Variants in KAZN observed in about 807,000 individuals in gnomAD.
The protein encoded by KAZN is kazrin.
KAZN carries 40 observed loss-of-function variants against 87.4 expected under a neutral mutation model. That is an observed-to-expected ratio of 0.46 (90% confidence interval 0.36 to 0.60). KAZN has a LOEUF of 0.60. Ranked by LOEUF, KAZN falls within the 20% of genes least tolerant of loss-of-function variation. The pLI, the probability that KAZN is intolerant of heterozygous loss-of-function variation, is 0.00. For missense variants in KAZN, 898 were observed against 1,073.9 expected (o/e 0.84, Z 2.29); for synonymous variants, 466 against 458.3 (o/e 1.02, Z -0.22).
intron 1 of KAZN, among the ~76,000 whole-genome samples, chr1:14,114,205 C>T (rs922934498): frequency 3.3e-5 from 5 of 152,248 alleles, no homozygotes; most frequent in Middle Eastern, 3.4e-3. Context: ...CAGCAGCAGA[C>T]GGCCCCATTA....
At chr1:14,881,134 G>A (rs919252998) in intron 1 of KAZN, among the ~76,000 whole-genome samples, 9 of 152,208 alleles carry the variant, frequency 5.9e-5, no homozygotes, top group African/African-American at 2.2e-4. Context: ...ATCCAGCAAA[G>A]CTGTGTTCCT....
At chr1:14,267,273 T>C (rs941458119) in intron 2 of KAZN, among the ~76,000 whole-genome samples, 2 of 150,080 alleles carry the variant, frequency 1.3e-5, no homozygotes, top group African/African-American at 4.9e-5. Context: ...AAAGGAGGGG[T>C]GTCCAAACTT....
intron 1 of KAZN, among the ~76,000 whole-genome samples, chr1:14,016,291 A>T (rs1021158998): frequency 1.3e-5 from 2 of 152,218 alleles, no homozygotes; most frequent in African/African-American, 2.4e-5. Flanking sequence ...GGAAAAATGC[A>T]AGAACACTTC....
chr1:14,273,544 T>TA lies in KAZN; in HGVS notation c.249+92960dup, dbSNP rs571738985. Among the ~76,000 whole-genome samples, 4 of 151,952 alleles carry TA rather than the reference T, an allele frequency of 2.6e-5. No homozygotes were observed. In the East Asian group the frequency reaches 5.8e-4, roughly 22 times the overall value. On this transcript the variant is annotated intron_variant, in intron 2 of 16. Transcript: ENST00000636203. ...GATAAAATGTTAGAAAATATACAGT[T>TA]AAAAAAAATATACAGTTTATATTCA... is the stretch of plus-strand genomic sequence containing the variant.
intron 1 of KAZN, among the ~76,000 whole-genome samples, chr1:14,917,877 T>C (rs866328124): frequency 7.5e-6 from 1 of 132,988 alleles, no homozygotes; most frequent in African/African-American, 2.6e-5. Flanking sequence ...TTCCTTTCTT[T>C]CTTTCTTTCT....
At chr1:14,841,569 A>G (rs61772320) in intron 1 of KAZN, among the ~76,000 whole-genome samples, 30,339 of 152,040 alleles carry the variant, frequency 0.2, 4,051 homozygotes, top group African/African-American at 0.38. Flanking sequence ...GCAGATGGCC[A>G]TGCACTGGCA....
chr1:14,663,582 A>T (rs928642027), intron 1 of KAZN, among the ~76,000 whole-genome samples: 1 of 152,230 alleles, frequency 6.6e-6, no homozygotes. Flanking sequence ...TCCTCATATT[A>T]AAAGCCAATG....
chr1:14,595,955 G>A (rs541929179), upstream of KAZN, among the ~76,000 whole-genome samples: 39 of 152,160 alleles, frequency 2.6e-4, no homozygotes, highest in Non-Finnish European at 1.8e-4. Flanking sequence ...AAAAATAGAG[G>A]GATGAGAAGG....
At chr1:15,110,295 A>T (rs527286777) in intron 13 of KAZN, among the ~76,000 whole-genome samples, 1 of 146,408 alleles carries the variant, frequency 6.8e-6, no homozygotes, top group Non-Finnish European at 1.5e-5. Context: ...GTGTGTGTGT[A>T]TATGTATGTG....
exon 2 of KAZN, chr1:14,180,557 A>G (rs1353219438): frequency 6.4e-6 from 10 of 1,550,428 alleles, no homozygotes; most frequent in Non-Finnish European, 7.8e-6. Flanking sequence ...GAAGAGTTCC[A>G]TGATATTGAT....
At position 14,982,417 on chromosome 1, in the gene KAZN, A is replaced by ATTT. The variant is rs71000353; in HGVS notation, c.418+21570_418+21572dup. Among the ~76,000 whole-genome samples the ATTT allele has an allele frequency of 2.7e-3, 175 of 64,830 alleles. 16 individuals are homozygous for ATTT. The highest frequency in any genetic ancestry group is 3.7e-3 in the Non-Finnish European group (140 of 37,582). 42.5% of individuals were successfully genotyped at this position (64,830 alleles called of 152,430 possible). A position where few individuals can be genotyped will look rare whatever the true frequency, so the allele number is the denominator to read the frequency against. ...GGGGCCGCTGTTCTCAGCACCTGAGATTTTTTTTTTTTTTTTTTTTTTTTT... is the reference window on the plus strand; with the variant it reads ...GGGGCCGCTGTTCTCAGCACCTGAGATTTTTTTTTTTTTTTTTTTTTTTTTTTT... On this transcript the variant is annotated intron_variant, in intron 2 of 14. Coordinates refer to ENST00000376030, the MANE Select transcript of KAZN (RefSeq NM_201628.3).
chr1:14,963,497 C>A (rs1664123807), intron 2 of KAZN, among the ~76,000 whole-genome samples: 1 of 152,188 alleles, frequency 6.6e-6, no homozygotes. Context: ...GGCCCAGATG[C>A]CAGAGACAGA....
chr1:15,008,655 G>C (rs1669273381), intron 2 of KAZN, among the ~76,000 whole-genome samples: 1 of 152,214 alleles, frequency 6.6e-6, no homozygotes, highest in South Asian at 2.1e-4. Context: ...TCTAGCCCTG[G>C]TATCTGGCTC....
chr1:14,845,660 AT>A (rs1274498180), intron 1 of KAZN, among the ~76,000 whole-genome samples: 2 of 152,126 alleles, frequency 1.3e-5, no homozygotes, highest in Non-Finnish European at 2.9e-5. Flanking sequence ...AGTTTCCCAG[AT>A]TGCCCCCATG....
chr1:14,581,761 C>A (rs1378399987), intron 2 of KAZN, among the ~76,000 whole-genome samples: 3 of 152,184 alleles, frequency 2.0e-5, no homozygotes, highest in Non-Finnish European at 2.9e-5. Flanking sequence ...TATCTCTGAG[C>A]CTTTGCCCTC....
intron 2 of KAZN, among the ~76,000 whole-genome samples, chr1:14,236,495 A>G (rs968552939): frequency 2.6e-5 from 4 of 152,176 alleles, no homozygotes; most frequent in Non-Finnish European, 5.9e-5. Context: ...GCTGCTCCTC[A>G]AATGCAGGCT....
At chr1:14,279,531 C>T (rs1652676238) in intron 2 of KAZN, among the ~76,000 whole-genome samples, 1 of 152,206 alleles carries the variant, frequency 6.6e-6, no homozygotes, top group Non-Finnish European at 1.5e-5. Context: ...TAGTGCAGTA[C>T]TATCAGGGGT....
intron 1 of KAZN, among the ~76,000 whole-genome samples, chr1:14,622,007 GCTGTTCTAACTTGCA>G (rs1156736184): frequency 6.6e-6 from 1 of 152,194 alleles, no homozygotes; most frequent in Non-Finnish European, 1.5e-5. Flanking sequence ...CTGGGACCAG[GCTGTTCTAACTTGCA>G]CATTGCAGAC....
intron 1 of KAZN, among the ~76,000 whole-genome samples, chr1:14,879,249 G>A (rs985111126): frequency 1.3e-5 from 2 of 152,158 alleles, no homozygotes; most frequent in African/African-American, 2.4e-5. Context: ...AGTAAATAGA[G>A]TAATGGGAAT....
Sources: gnomAD v4.1 joint callset for allele counts (sites outside exome capture counted in the v4.1 genomes callset) on GRCh38, gnomAD v4.1.1 for gene constraint, MANE v1.5 for transcripts, NCBI Gene and HGNC (gene_info 2026-07-23, HGNC 2026-07-21) for gene names.